ITGBL1: variants seen among roughly 807,000 people sequenced by gnomAD.
ITGBL1 encodes the protein integrin subunit beta like 1.
ITGBL1 carries 51 observed loss-of-function variants against 68.5 expected under a neutral mutation model. The ratio of observed to expected loss-of-function variants is 0.74; its 90% CI spans 0.59 to 0.94. The LOEUF is 0.94. ITGBL1 is among the 40% of genes least tolerant of loss of function. ITGBL1 has a pLI of 0.00. For missense variants in ITGBL1, 649 were observed against 647.4 expected (o/e 1.00, Z -0.03); for synonymous variants, 209 against 227.3 (o/e 0.92, Z 0.72).
chr13:101,541,354 T>G (rs1043594224), intron 2 of ITGBL1, among the ~76,000 whole-genome samples: 1 of 152,140 alleles, frequency 6.6e-6, no homozygotes, highest in African/African-American at 2.4e-5. Flanking sequence ...CTGGATTACA[T>G]TTATTGATTT....
Position 101,517,958 on chromosome 13 carries a change from G to A in ITGBL1, c.317-49741G>A, listed in dbSNP as rs1038644487. Among the ~76,000 whole-genome samples the A allele has an allele frequency of 2.6e-5, 4 of 152,124 alleles. No homozygotes were observed. In the South Asian group the frequency reaches 8.3e-4, roughly 32 times the overall value. On this transcript the variant is annotated intron_variant, in intron 2 of 10. Transcript: ENST00000376180. Reference sequence around the variant, plus strand: ...GCACTGCCCCTTCACCCCACCAATAGGCCATTTTCTTTCCCCCATGCCATG... The same window carrying A: ...GCACTGCCCCTTCACCCCACCAATAAGCCATTTTCTTTCCCCCATGCCATG...
chr13:101,572,249 G>A (rs2050285697), intron 3 of ITGBL1, among the ~76,000 whole-genome samples: 1 of 152,014 alleles, frequency 6.6e-6, no homozygotes, highest in South Asian at 2.1e-4. Context: ...TCATATCACA[G>A]TGTGGTTTTC....
chr13:101,545,433 A>C (rs776917823), intron 2 of ITGBL1, among the ~76,000 whole-genome samples: 1 of 152,180 alleles, frequency 6.6e-6, no homozygotes, highest in Non-Finnish European at 1.5e-5. Context: ...TATAGAAGGA[A>C]AAAAGGGAAA....
At position 101,706,748 on chromosome 13, in the gene ITGBL1, C is replaced by T. The variant is rs2034272648; in HGVS notation, c.1133-8C>T. 6.2e-7 allele frequency: 1 copy of T among 1,612,560 alleles called. No homozygotes were observed. ...TCCTCTCACTCCTTTCCTGTGGTTG[C>T]TTCACAGGCCACGGCACATGTTCCT... On this transcript the variant is annotated splice_polypyrimidine_tract_variant and splice_region_variant and intron_variant, in intron 8 of 10. Transcript: ENST00000376180.
At chr13:101,503,406 T>G (rs1334739015) in intron 2 of ITGBL1, among the ~76,000 whole-genome samples, 1 of 151,986 alleles carries the variant, frequency 6.6e-6, no homozygotes, top group Non-Finnish European at 1.5e-5. Context: ...ATTTGAAGAA[T>G]CAGACTCCAG....
intron 7 of ITGBL1, among the ~76,000 whole-genome samples, chr13:101,643,747 T>A (rs1275843911): frequency 2.6e-5 from 4 of 151,768 alleles, no homozygotes; most frequent in Admixed American, 6.6e-5. Context: ...GCTGGGAGAG[T>A]AGCTTGATCT....
At chr13:101,504,494 C>G (rs530725614) in intron 2 of ITGBL1, among the ~76,000 whole-genome samples, 3 of 152,278 alleles carry the variant, frequency 2.0e-5, no homozygotes, top group African/African-American at 7.2e-5. Flanking sequence ...ATGTTCTGTA[C>G]ATTTCCTTCC....
intron 2 of ITGBL1, among the ~76,000 whole-genome samples, chr13:101,491,647 T>G (rs1239474762): frequency 6.6e-6 from 1 of 152,152 alleles, no homozygotes; most frequent in Admixed American, 6.5e-5. Context: ...AAATTATACT[T>G]TAAGTGCTGG....
At chr13:101,532,911 G>A (rs370447385) in intron 2 of ITGBL1, among the ~76,000 whole-genome samples, 6 of 152,188 alleles carry the variant, frequency 3.9e-5, no homozygotes, top group Admixed American at 3.3e-4. Context: ...AGAAAATAAA[G>A]AACTACTGTT....
chr13:101,634,863 A>G (rs1351685668), intron 7 of ITGBL1, among the ~76,000 whole-genome samples: 3 of 152,008 alleles, frequency 2.0e-5, no homozygotes, highest in African/African-American at 7.2e-5. Flanking sequence ...ATGAAAAGGG[A>G]GCTGATAAGG....
At chr13:101,502,702 A>C (rs1011374210) in intron 2 of ITGBL1, among the ~76,000 whole-genome samples, 1 of 152,196 alleles carries the variant, frequency 6.6e-6, no homozygotes. Context: ...ATATGAGTAA[A>C]CCACAGTCTT....
In ITGBL1 at chr13:101,710,046, A is replaced by G. The variant is rs1057469043; in HGVS notation, c.1279+3144A>G. Reference sequence around the variant, plus strand: ...CTCAAAGGCATTTCCTGAAAACAAAACAAAACAAAGCCAAAGAGTCCCTCT... The same window carrying G: ...CTCAAAGGCATTTCCTGAAAACAAAGCAAAACAAAGCCAAAGAGTCCCTCT... On this transcript the variant is annotated intron_variant, in intron 9 of 10. Coordinates refer to ENST00000376180, the MANE Select transcript of ITGBL1 (RefSeq NM_004791.3). 2.0e-5 allele frequency among the ~76,000 whole-genome samples: 3 copies of G among 152,268 alleles called. No individual in the cohort carries two copies. The South Asian group carries it at 6.2e-4, about 31-fold the overall frequency.
chr13:101,580,526 G>C (rs2148167), intron 5 of ITGBL1, among the ~76,000 whole-genome samples: 2,166 of 152,176 alleles, frequency 0.014, 48 homozygotes, highest in African/African-American at 0.049. Flanking sequence ...TGCCATGTTG[G>C]TGTGCTGCAC....
At chr13:101,718,466 T>C (rs1033416195), downstream of ITGBL1, 3 of 152,114 alleles carry the variant, frequency 2.0e-5, no homozygotes, top group Non-Finnish European at 4.4e-5. Flanking sequence ...TCTCATTGGC[T>C]CATTCCTGTT....
chr13:101,539,549 TACTTTGGGTATATAC>T (rs2049648995), intron 2 of ITGBL1, among the ~76,000 whole-genome samples: 1 of 152,102 alleles, frequency 6.6e-6, no homozygotes, highest in Non-Finnish European at 1.5e-5. Context: ...TGATTTATAG[TACTTTGGGTATATAC>T]CCAGTAATGG....
chr13:101,526,703 G>T (rs1022209470), intron 2 of ITGBL1, among the ~76,000 whole-genome samples: 7 of 150,612 alleles, frequency 4.6e-5, no homozygotes, highest in Non-Finnish European at 1.0e-4. Flanking sequence ...GAAAAGTTCA[G>T]TAAACACCTT....
chr13:101,578,706 G>A (rs1234731104), intron 4 of ITGBL1, among the ~76,000 whole-genome samples: 1 of 152,186 alleles, frequency 6.6e-6, no homozygotes, highest in Non-Finnish European at 1.5e-5. Flanking sequence ...GTGGCCAAGG[G>A]CCCATGGTAT....
intron 7 of ITGBL1, among the ~76,000 whole-genome samples, chr13:101,604,987 T>C (rs2030654333): frequency 7.6e-6 from 1 of 131,960 alleles, no homozygotes; most frequent in African/African-American, 2.7e-5. Context: ...TGCGTACATG[T>C]GTATATGTAT....
chr13:101,606,521 A>G (rs2030867516), intron 7 of ITGBL1, among the ~76,000 whole-genome samples: 2 of 151,946 alleles, frequency 1.3e-5, no homozygotes, highest in Admixed American at 1.3e-4. Context: ...ATGGTAGGCT[A>G]AACGTTAGTT....
Sources: allele counts gnomAD v4.1 joint callset (sites outside exome capture counted in the v4.1 genomes callset), GRCh38; gene constraint gnomAD v4.1.1; transcripts MANE v1.5; gene names NCBI Gene and HGNC (gene_info 2026-07-23, HGNC 2026-07-21).